The following CHST15 variants were observed in gnomAD, a reference collection of about 807,000 sequenced individuals.
CHST15 encodes the protein carbohydrate sulfotransferase 15.
A neutral mutation model predicts 53.6 loss-of-function variants in CHST15; 30 were observed. The observed-to-expected ratio is 0.56, with a 90% confidence interval of 0.42 to 0.76. The LOEUF (loss-of-function observed/expected upper bound fraction) is 0.76, where lower values mean the gene tolerates loss of function less well. Ranked by LOEUF, CHST15 falls within the 30% of genes least tolerant of loss-of-function variation. The pLI, the probability that CHST15 is intolerant of heterozygous loss-of-function variation, is 0.00. For missense variants in CHST15, 627 were observed against 740.5 expected (o/e 0.85, Z 1.78); for synonymous variants, 296 against 289.8 (o/e 1.02, Z -0.22).
chr10:124,020,793 G>A (rs748698190), intron 6 of CHST15: 28 of 1,124,294 alleles, frequency 2.5e-5, no homozygotes, highest in Non-Finnish European at 3.0e-5. Context: ...AAGAACAAGA[G>A]ATACGATTGA....
At chr10:124,054,033 T>TA (rs1203230701) in intron 1 of CHST15, among the ~76,000 whole-genome samples, 1 of 152,212 alleles carries the variant, frequency 6.6e-6, no homozygotes, top group Non-Finnish European at 1.5e-5. Flanking sequence ...AAAATGTGTT[T>TA]ATGACAACCA....
At chr10:124,068,331 G>A (rs1315728718) in intron 1 of CHST15, among the ~76,000 whole-genome samples, 2 of 152,168 alleles carry the variant, frequency 1.3e-5, no homozygotes, top group African/African-American at 4.8e-5. Flanking sequence ...GGGATGATGT[G>A]ACAATATGTA....
At chr10:124,023,874 G>C (rs976103620) in intron 5 of CHST15, among the ~76,000 whole-genome samples, 1 of 148,206 alleles carries the variant, frequency 6.7e-6, no homozygotes, top group South Asian at 2.1e-4. Context: ...GCGGAGTTTC[G>C]CTTTTGTTGC....
intron 6 of CHST15, among the ~76,000 whole-genome samples, chr10:124,015,034 G>T (rs566944775): frequency 6.6e-6 from 1 of 152,112 alleles, no homozygotes; most frequent in African/African-American, 2.4e-5. Flanking sequence ...CTCCCCTCCC[G>T]CTTTGTGCCT....
At chr10:124,082,314 G>A (rs534752820) in intron 1 of CHST15, among the ~76,000 whole-genome samples, 5 of 152,120 alleles carry the variant, frequency 3.3e-5, no homozygotes, top group African/African-American at 9.7e-5. Context: ...TCCAAAAACC[G>A]GTATTCAATC....
intron 5 of CHST15, among the ~76,000 whole-genome samples, chr10:124,021,959 T>C (rs1261422195): frequency 6.6e-6 from 1 of 152,184 alleles, no homozygotes; most frequent in Non-Finnish European, 1.5e-5. Context: ...TTTAACACGA[T>C]GTAAAAGCAC....
chr10:124,076,855 G>A (rs913403384), intron 1 of CHST15, among the ~76,000 whole-genome samples: 3 of 151,992 alleles, frequency 2.0e-5, no homozygotes, highest in Non-Finnish European at 4.4e-5. Context: ...GACTACAGGC[G>A]CCTGCCACCA....
chr10:124,040,949 T>C (rs1007180082), intron 4 of CHST15, among the ~76,000 whole-genome samples: 3 of 152,252 alleles, frequency 2.0e-5, no homozygotes, highest in Non-Finnish European at 4.4e-5. Flanking sequence ...GGAGAATACA[T>C]ATTTTCATCT....
chr10:124,015,397 C>CGG (rs59993273), intron 6 of CHST15, among the ~76,000 whole-genome samples: 6 of 135,972 alleles, frequency 4.4e-5, no homozygotes, highest in Non-Finnish European at 4.8e-5. Flanking sequence ...CAGGGCAGGG[C>CGG]GGGGGGGGCT....
intron 3 of CHST15, among the ~76,000 whole-genome samples, chr10:124,043,864 T>C (rs28609955): frequency 6.6e-6 from 1 of 151,324 alleles, no homozygotes; most frequent in Non-Finnish European, 1.5e-5. Flanking sequence ...GAACAGCACA[T>C]AGCTGAGAAC....
chr10:124,021,003 C>T, intron 6 of CHST15: 4 of 1,423,668 alleles, frequency 2.8e-6, no homozygotes, highest in South Asian at 1.5e-5. Context: ...TAAAGGCACC[C>T]TCATCCTCCT....
intron 1 of CHST15, among the ~76,000 whole-genome samples, chr10:124,063,984 A>T (rs1948675250): frequency 6.6e-6 from 1 of 152,168 alleles, no homozygotes; most frequent in Non-Finnish European, 1.5e-5. Context: ...TGTTCAAAAA[A>T]TAATAAGTGG....
Position 124,038,565 on chromosome 10 carries a change from G to A in CHST15, c.1140C>T (p.Ala380=), listed in dbSNP as rs1467115029. The part of the protein sequence containing the change: ...PPFLTQDFIH[A]FQPNARLIVM... ...CAATCAGTCTGGCATTTGGCTGAAAGGCGTGGATGAAGTCCTGCGTCAGAA... is the reference window on the plus strand; with the variant it reads ...CAATCAGTCTGGCATTTGGCTGAAAAGCGTGGATGAAGTCCTGCGTCAGAA... Residue 380 remains alanine (A), a synonymous_variant, in exon 5 of 8, where the codon GCC becomes GCT. Transcript: ENST00000435907. 4 of 1,614,252 alleles carry A rather than the reference G, an allele frequency of 2.5e-6. No individual in the cohort carries two copies. In the South Asian group the frequency reaches 4.4e-5, roughly 18 times the overall value.
intron 1 of CHST15, among the ~76,000 whole-genome samples, chr10:124,071,170 G>A (rs1362081860): frequency 3.9e-5 from 6 of 152,204 alleles, no homozygotes; most frequent in South Asian, 2.1e-4. Flanking sequence ...AGGGTGAGAC[G>A]TGCTCAGCTC....
Position 124,024,437 on chromosome 10 carries a change from A to G in CHST15, c.1191-3025T>C. ...CTTGAGCAGTTTGAGATCTACCCAC[A>G]GAGTTCCTAGAATCAAAACACCCAC... On this transcript the variant is annotated intron_variant, in intron 5 of 7. Transcript: ENST00000435907. This position sits in a 1 kb window ranked among gnomAD's most constrained non-coding sequence, Gnocchi z 4.0. Among the ~76,000 whole-genome samples the G allele has an allele frequency of 6.6e-6, 1 of 152,152 alleles. No individual in the cohort carries two copies. The highest frequency in any genetic ancestry group is 2.1e-4 in the South Asian group (1 of 4,838).
At position 124,015,583 on chromosome 10, in the gene CHST15, C is replaced by A. The variant is rs184689398; in HGVS notation, c.1348-3103G>T. On this transcript the variant is annotated intron_variant, in intron 6 of 7. Coordinates refer to ENST00000435907, the MANE Select transcript of CHST15 (RefSeq NM_001270764.2). ...TCCCCAGACAGGTACCAGGCCGAGC[C>A]TCTCCGTCCCCTACTAGGGATTTCA... Among the ~76,000 whole-genome samples the A allele has an allele frequency of 6.6e-5, 10 of 152,240 alleles. No individual in the cohort carries two copies. In the East Asian group the frequency reaches 1.9e-3, roughly 30 times the overall value.
At position 124,052,352 on chromosome 10, in the gene CHST15, G is replaced by A. The variant is rs549150619; in HGVS notation, c.-512-5628C>T. Among the ~76,000 whole-genome samples the A allele has an allele frequency of 7.9e-5, 12 of 152,280 alleles. No homozygotes were observed. The South Asian group carries it at 1.7e-3, about 21-fold the overall frequency. ...AGATTCAGTCTTCTATCTGGACTTCGACAGTTTTGATCACATCCCAGTCAA... is the reference window on the plus strand; with the variant it reads ...AGATTCAGTCTTCTATCTGGACTTCAACAGTTTTGATCACATCCCAGTCAA... On this transcript the variant is annotated intron_variant, in intron 1 of 7. Transcript: ENST00000435907.
intron 6 of CHST15, among the ~76,000 whole-genome samples, chr10:124,015,238 G>A (rs60761648): frequency 5.3e-5 from 8 of 151,794 alleles, no homozygotes; most frequent in African/African-American, 1.5e-4. Context: ...ACCTTTTCCC[G>A]GTATAGGACA....
At position 124,072,957 on chromosome 10, in the gene CHST15, C is replaced by A. The variant is rs78726933; in HGVS notation, c.-513+20512G>T. 3.8e-3 allele frequency among the ~76,000 whole-genome samples: 579 copies of A among 152,274 alleles called. 2 individuals carry two copies. Among genetic ancestry groups the A allele is most frequent in the African/African-American group, 0.014 (563 of 41,556 alleles). ...AGAGGACAAAAGGGAGTCAGTCTCA[C>A]CTTACATTTTTTCCAGGCTCTTATT... On this transcript the variant is annotated intron_variant, in intron 1 of 7. Coordinates refer to ENST00000435907, the MANE Select transcript of CHST15 (RefSeq NM_001270764.2).
Sources: allele counts gnomAD v4.1 joint callset (sites outside exome capture counted in the v4.1 genomes callset), GRCh38; gene constraint gnomAD v4.1.1; non-coding constraint Gnocchi (gnomAD v3.1); transcripts MANE v1.5; gene names NCBI Gene and HGNC (gene_info 2026-07-23, HGNC 2026-07-21).